OTOG: variants seen among roughly 807,000 people sequenced by gnomAD.
OTOG encodes the protein otogelin.
OTOG carries 296 observed loss-of-function variants against 313.8 expected under a neutral mutation model. The observed-to-expected ratio is 0.94, with a 90% CI of 0.86 to 1.04. The LOEUF (loss-of-function observed/expected upper bound fraction) is 1.04. OTOG is among the 50% of genes least tolerant of loss of function. The pLI is 0.00. For synonymous variants in OTOG, 1,533 were observed against 1,554.9 expected, an observed-to-expected ratio of 0.99 and a Z score of 0.33; for missense variants, 3,948 against 3,840.1, an observed-to-expected ratio of 1.03 and a Z score of -0.74.
chr11:17,603,041 G>T (rs1853293434), intron 32 of OTOG, among the ~76,000 whole-genome samples: 1 of 152,210 alleles, frequency 6.6e-6, no homozygotes, highest in Admixed American at 6.5e-5. Flanking sequence ...CAGGATTTGG[G>T]ACTTTATCCT....
chr11:17,610,718 C>A lies in OTOG; in HGVS notation c.5418C>A (p.Thr1806=). The change falls in exon 36 of 56, where the codon ACC becomes ACA. Residue 1806 remains threonine (T), a synonymous_variant. Transcript: ENST00000399397. Reference sequence around the variant, plus strand: ...TCCTCTCTGGCCTGCCTCCCGACACCAGCCTGCCCCTGGCCAAGGTGGGCA... The same window carrying A: ...TCCTCTCTGGCCTGCCTCCCGACACAAGCCTGCCCCTGGCCAAGGTGGGCA... The part of the protein sequence containing the change: ...SQLLSGLPPD[T]SLPLAKVGTS... 1.3e-6 allele frequency: 2 copies of A among 1,550,276 alleles called. No individual in the cohort carries two copies. The highest frequency in any genetic ancestry group is 8.7e-7 in the Non-Finnish European group (1 of 1,147,008).
rs1848058063 is a variant in OTOG at position 17,645,605 on chromosome 11, A to G, written c.8503A>G (p.Met2835Val). The change falls in exon 55 of 56, where the codon ATG becomes GTG. Residue 2835 changes from methionine (M) to valine (V), a missense_variant. Coordinates refer to ENST00000399397, the MANE Select transcript of OTOG (RefSeq NM_001292063.2). ...CTCCTGCAAGAAGGTGACCATCCGCATGACCATCCGCAAGAATGAATGCAG... is the reference window on the plus strand; with the variant it reads ...CTCCTGCAAGAAGGTGACCATCCGCGTGACCATCCGCAAGAATGAATGCAG... ...GRSCKKVTIR[M>V]TIRKNECRSS... 2.6e-6 allele frequency: 4 copies of G among 1,550,520 alleles called. No individual in the cohort carries two copies. In the South Asian group the frequency reaches 4.8e-5, roughly 18 times the overall value.
intron 40 of OTOG, 61 bp downstream of exon 40, chr11:17,629,377 C>T: frequency 6.8e-7 from 1 of 1,463,976 alleles, no homozygotes; most frequent in South Asian, 1.3e-5. Context: ...TGCCCCCACA[C>T]ATAATTCCTC....
At chr11:17,632,774 G>T (rs1371416518) in intron 42 of OTOG, among the ~76,000 whole-genome samples, 1 of 152,172 alleles carries the variant, frequency 6.6e-6, no homozygotes, top group Non-Finnish European at 1.5e-5. Context: ...GCCTGGGCTA[G>T]GGTAGCTTGA....
At chr11:17,618,389 T>A (rs1344865765) in intron 39 of OTOG, among the ~76,000 whole-genome samples, 1 of 152,264 alleles carries the variant, frequency 6.6e-6, no homozygotes, top group East Asian at 1.9e-4. Context: ...TTTATGATTT[T>A]CCAGATGCCT....
chr11:17,551,223 G>A (rs1047182487), intron 3 of OTOG, among the ~76,000 whole-genome samples: 3 of 152,166 alleles, frequency 2.0e-5, no homozygotes, highest in Non-Finnish European at 4.4e-5. Context: ...CCAGGATGCC[G>A]GTTCCAGGTG....
intron 47 of OTOG, among the ~76,000 whole-genome samples, chr11:17,636,818 G>C (rs76652921): frequency 0.038 from 5,747 of 152,066 alleles, 125 homozygotes; most frequent in South Asian, 0.084. Flanking sequence ...CAGTTGGGCT[G>C]TCTACCAGCT....
chr11:17,600,509 A>C (rs895256096), intron 31 of OTOG, among the ~76,000 whole-genome samples: 11 of 152,174 alleles, frequency 7.2e-5, no homozygotes, highest in African/African-American at 2.4e-4. Flanking sequence ...CTGCATTATC[A>C]GATTTTGGCT....
intron 3 of OTOG, among the ~76,000 whole-genome samples, chr11:17,551,387 G>A (rs1434600190): frequency 6.6e-6 from 1 of 152,158 alleles, no homozygotes; most frequent in East Asian, 1.9e-4. Context: ...GGAAAATAGG[G>A]TTTCTAAGCC....
chr11:17,633,186 T>C (rs1854173590), intron 42 of OTOG, among the ~76,000 whole-genome samples: 1 of 152,254 alleles, frequency 6.6e-6, no homozygotes, highest in Admixed American at 6.5e-5. Context: ...AGGATTCTTT[T>C]GTAGTCGAGT....
chr11:17,640,900 C>G lies in OTOG; in HGVS notation c.8012-13C>G. The G allele has an allele frequency of 6.5e-7, 1 of 1,548,574 alleles. No individual in the cohort carries two copies. ...GCTCTGGATGACTGTTGCCGCCCTG[C>G]ATGCCCATCCAGTGAAGGCCCCGGT... On this transcript the variant is annotated splice_polypyrimidine_tract_variant and intron_variant, in intron 50 of 55. Coordinates refer to ENST00000399397, the MANE Select transcript of OTOG (RefSeq NM_001292063.2).
Position 17,557,264 on chromosome 11 carries a change from C to T in OTOG, c.806C>T (p.Thr269Ile), listed in dbSNP as rs894524717. ...ATGAGTCCAGAGCTTCTGGGCTGGA[C>T]CCATGGGCTGTGTGGGAACAACAAT... Reference protein sequence around the residue: ...IKMSPELLGWTHGLCGNNNAD... With the variant: ...IKMSPELLGWIHGLCGNNNAD... The change falls in exon 8 of 56, where the codon ACC (threonine) becomes ATC (isoleucine). Residue 269 changes from threonine (T) to isoleucine (I), a missense_variant. Coordinates refer to ENST00000399397, the MANE Select transcript of OTOG (RefSeq NM_001292063.2). 1.9e-6 allele frequency: 3 copies of T among 1,550,588 alleles called. No homozygotes were observed. Among genetic ancestry groups the T allele is most frequent in the African/African-American group, 1.4e-5 (1 of 73,118 alleles).
intron 23 of OTOG, among the ~76,000 whole-genome samples, chr11:17,579,828 G>A (rs560387282): frequency 1.3e-5 from 2 of 152,320 alleles, no homozygotes; most frequent in South Asian, 4.1e-4. Context: ...ACAGTGGAAG[G>A]GGCGCTGGAC....
At position 17,547,325 on chromosome 11, in the gene OTOG, T is replaced by A; in HGVS notation, c.-48T>A. 1 of 1,297,102 alleles carries A rather than the reference T, an allele frequency of 7.7e-7. No individual in the cohort carries two copies. Among genetic ancestry groups the A allele is most frequent in the Non-Finnish European group, 9.8e-7 (1 of 1,023,520 alleles). 80.3% of individuals were successfully genotyped at this position (1,297,102 alleles called of 1,614,324 possible). A position where few individuals can be genotyped will look rare whatever the true frequency, so the allele number is the denominator to read the frequency against. ...CCCTGCCTTAGCCCGGGGAGGCACCTCGGGAGGCTGGCCCTGCGCTCAAGT... is the reference window on the plus strand; with the variant it reads ...CCCTGCCTTAGCCCGGGGAGGCACCACGGGAGGCTGGCCCTGCGCTCAAGT... On this transcript the variant is annotated 5_prime_UTR_variant, in exon 1 of 56. Coordinates refer to ENST00000399397, the MANE Select transcript of OTOG (RefSeq NM_001292063.2).
At position 17,559,556 on chromosome 11, in the gene OTOG, C is replaced by A. The variant is rs1325558591; in HGVS notation, c.1236C>A (p.Ala412=). 2 of 1,550,612 alleles carry A rather than the reference C, an allele frequency of 1.3e-6. No individual in the cohort carries two copies. The highest frequency in any genetic ancestry group is 2.7e-5 in the African/African-American group (2 of 73,050). Residue 412 remains alanine (A), a synonymous_variant, in exon 12 of 56, where the codon GCC becomes GCA. Transcript: ENST00000399397. ...RQCTVHCKEK[A]FTYNECIACC... is the part of the protein sequence containing the mutation. Reference sequence around the variant, plus strand: ...AAGCTGTGCACTGCAAGGAGAAGGCCTTTACCTACAATGAGTGCATCGCCT... The same window carrying A: ...AAGCTGTGCACTGCAAGGAGAAGGCATTTACCTACAATGAGTGCATCGCCT...
chr11:17,557,103 G>A lies in OTOG; in HGVS notation c.660-15G>A, dbSNP rs1852071826. ...GTGTTGTGGATACCCTGAAGCTCTG[G>A]GATGTGCCCTGCAGGGTCCAACTGC... On this transcript the variant is annotated splice_polypyrimidine_tract_variant and intron_variant, in intron 7 of 55. Coordinates refer to ENST00000399397, the MANE Select transcript of OTOG (RefSeq NM_001292063.2). 1 of 1,548,038 alleles carries A rather than the reference G, an allele frequency of 6.5e-7. No individual in the cohort carries two copies. The highest frequency in any genetic ancestry group is 2.0e-5 in the Admixed American group (1 of 50,998).
At chr11:17,587,448 G>A (rs1389067230) in intron 24 of OTOG, among the ~76,000 whole-genome samples, 2 of 152,210 alleles carry the variant, frequency 1.3e-5, no homozygotes, top group African/African-American at 2.4e-5. Context: ...GGGGTGGCCT[G>A]AGGTGAGCAG....
intron 48 of OTOG, among the ~76,000 whole-genome samples, chr11:17,639,139 T>C (rs929010504): frequency 6.6e-5 from 10 of 152,236 alleles, no homozygotes; most frequent in African/African-American, 2.4e-4. Context: ...AAACCTGTGA[T>C]TGGCCCATCT....
chr11:17,620,041 T>C (rs931555972), intron 39 of OTOG, among the ~76,000 whole-genome samples: 1 of 152,256 alleles, frequency 6.6e-6, no homozygotes, highest in Non-Finnish European at 1.5e-5. Context: ...GATATTTTTT[T>C]CTTTCAGTAC....
Sources: gnomAD v4.1 joint callset for allele counts (sites outside exome capture counted in the v4.1 genomes callset) on GRCh38, gnomAD v4.1.1 for gene constraint, MANE v1.5 for transcripts, NCBI Gene and HGNC (gene_info 2026-07-23, HGNC 2026-07-21) for gene names.